The following RUFY1 variants were observed in gnomAD, a reference collection of about 807,000 sequenced individuals.
The protein encoded by RUFY1 is RUN and FYVE domain-containing protein 1.
RUFY1 carries 54 observed loss-of-function variants against 94.6 expected under a neutral mutation model. The observed-to-expected ratio is 0.57, with a 90% CI of 0.46 to 0.72. The LOEUF (loss-of-function observed/expected upper bound fraction) is 0.72, where lower values mean the gene tolerates loss of function less well. Among genes scored for constraint, RUFY1 ranks in the 30% least tolerant of loss-of-function variants. RUFY1 has a pLI of 0.00. For synonymous variants in RUFY1, 396 were observed against 347.3 expected (o/e 1.14, Z -1.56); for missense variants, 883 against 883.9 (o/e 1.00, Z 0.01).
At chr5:179,609,257 C>T (rs1336492723) in intron 17 of RUFY1, 119 bp from the exon 18 acceptor site, 3 of 998,892 alleles carry the variant, frequency 3.0e-6, no homozygotes, top group Admixed American at 2.4e-5. Context: ...CCTCACCACC[C>T]CACAGAAACA....
rs1290148369 is a variant in RUFY1, at chr5:179,595,071, G to A, written c.1511+108G>A. The stretch of plus-strand genomic sequence containing the variant: ...AAAGTGCAGGGGAGAGGCTGGGCGC[G>A]GTGGCTCACGCCTGTAATCCCAACA... On this transcript the variant is annotated intron_variant, in intron 12 of 17. Transcript: ENST00000319449. The A allele has an allele frequency of 1.3e-5, 10 of 760,440 alleles. No individual in the cohort carries two copies. In the East Asian group the frequency reaches 1.9e-4, roughly 15 times the overall value. 47.1% of individuals were successfully genotyped at this position (760,440 alleles called of 1,614,324 possible).
intron 11 of RUFY1, 43 bp downstream of exon 11, chr5:179,593,688 T>C: frequency 3.1e-6 from 5 of 1,596,394 alleles, no homozygotes; most frequent in Non-Finnish European, 4.3e-6. Context: ...TGGTTTCTGC[T>C]GCTCGCCAGT....
At chr5:179,604,493 C>G (rs1057292700) in intron 15 of RUFY1, among the ~76,000 whole-genome samples, 2 of 152,196 alleles carry the variant, frequency 1.3e-5, no homozygotes, top group Non-Finnish European at 2.9e-5. Context: ...TTTCCTGTTT[C>G]TGCAGCCGGA....
At chr5:179,605,499 AG>A (rs1430327465) in intron 15 of RUFY1, among the ~76,000 whole-genome samples, 3 of 152,182 alleles carry the variant, frequency 2.0e-5, no homozygotes, top group Non-Finnish European at 4.4e-5. Flanking sequence ...GCCGGGGAGA[AG>A]CCTGCAGACT....
chr5:179,569,178 G>A, intron 4 of RUFY1, 124 bp from the exon 5 acceptor site: 2 of 1,559,178 alleles, frequency 1.3e-6, no homozygotes, highest in Non-Finnish European at 1.7e-6. Context: ...GAAAGGGAGG[G>A]AGGAAATCCA....
At chr5:179,559,404 GA>G (rs1762270325) in intron 1 of RUFY1, among the ~76,000 whole-genome samples, 1 of 152,322 alleles carries the variant, frequency 6.6e-6, no homozygotes, top group African/African-American at 2.4e-5. Context: ...AGTAGCGGAC[GA>G]AAGATCGGCA....
intron 7 of RUFY1, among the ~76,000 whole-genome samples, chr5:179,583,659 G>A (rs1476552815): frequency 1.1e-4 from 16 of 151,208 alleles, no homozygotes; most frequent in Middle Eastern, 3.4e-3. Flanking sequence ...CACGTGATCC[G>A]CCCGCCTCGG....
At chr5:179,595,024 G>C in intron 12 of RUFY1, 61 bp downstream of exon 12, 1 of 1,207,560 alleles carries the variant, frequency 8.3e-7, no homozygotes, top group Non-Finnish European at 1.2e-6. Context: ...TGGGCCTGGA[G>C]ACTTATTCAG....
At position 179,562,560 on chromosome 5, in the gene RUFY1, T is replaced by C; in HGVS notation, c.498T>C (p.Phe166=). ...TTTTCCTTTTAGTTAAGAAGAGTTT[T>C]ATTGGCCAAAATAAATCATTCTTTG... ...LKHGLKVKKS[F]IGQNKSFFGP... Residue 166 remains phenylalanine (F), a synonymous_variant, in exon 3 of 18, where the codon TTT becomes TTC. Transcript: ENST00000319449. 6.2e-7 allele frequency: 1 copy of C among 1,606,904 alleles called. No individual in the cohort carries two copies. The highest frequency in any genetic ancestry group is 8.5e-7 in the Non-Finnish European group (1 of 1,173,846).
At chr5:179,560,244 G>A (rs1163483956) in intron 2 of RUFY1, 46 bp downstream of exon 2, 3 of 1,591,900 alleles carry the variant, frequency 1.9e-6, no homozygotes, top group Non-Finnish European at 2.6e-6. Context: ...CGGGCTGGGT[G>A]TTTGCTCAGC....
intron 10 of RUFY1, among the ~76,000 whole-genome samples, chr5:179,592,690 T>C (rs1765215575): frequency 6.6e-6 from 1 of 152,236 alleles, no homozygotes; most frequent in South Asian, 2.1e-4. Context: ...TTGTAAACAC[T>C]GTTCTTGTAC....
At chr5:179,595,738 T>C (rs1256785453) in intron 12 of RUFY1, among the ~76,000 whole-genome samples, 2 of 151,998 alleles carry the variant, frequency 1.3e-5, no homozygotes, top group African/African-American at 4.8e-5. Context: ...TTTGTAGAGA[T>C]GGGGTTTCTC....
At chr5:179,579,016 A>G (rs1393254785) in intron 6 of RUFY1, among the ~76,000 whole-genome samples, 2 of 152,236 alleles carry the variant, frequency 1.3e-5, no homozygotes, top group Non-Finnish European at 2.9e-5. Flanking sequence ...GAACATTTCT[A>G]GAGTGGCGTA....
intron 1 of RUFY1, among the ~76,000 whole-genome samples, chr5:179,557,744 T>C (rs1019319944): frequency 1.3e-5 from 2 of 152,044 alleles, no homozygotes; most frequent in Non-Finnish European, 1.5e-5. Context: ...GGGAGAAAAA[T>C]TTAATTTTCT....
At chr5:179,555,134 G>T (rs933981922) in intron 1 of RUFY1, among the ~76,000 whole-genome samples, 1 of 152,188 alleles carries the variant, frequency 6.6e-6, no homozygotes, top group Admixed American at 6.5e-5. Flanking sequence ...TTGCTTTTTA[G>T]AGTAATGCTT....
rs568591078 is a variant in RUFY1, at chr5:179,593,589, C to T, written c.1357C>T (p.Arg453Cys). ...HEKQDTLVALRQQLEEVKAIN... is the reference protein window; with the variant it reads ...HEKQDTLVALCQQLEEVKAIN... ...GAAGCAGGACACACTAGTTGCCCTCCGCCAGCAGCTGGAAGAAGTCAAAGC... is the reference window on the plus strand; with the variant it reads ...GAAGCAGGACACACTAGTTGCCCTCTGCCAGCAGCTGGAAGAAGTCAAAGC... The change falls in exon 11 of 18, where the codon CGC (arginine) becomes TGC (cysteine). Residue 453 changes from arginine to cysteine, a missense_variant. Transcript: ENST00000319449. 34 of 1,614,106 alleles carry T rather than the reference C, an allele frequency of 2.1e-5. No individual in the cohort carries two copies. The highest frequency in any genetic ancestry group is 1.6e-4 in the Middle Eastern group (1 of 6,062).
At chr5:179,552,164 C>CAAAAAAAAAAAA (rs563730431) in intron 1 of RUFY1, among the ~76,000 whole-genome samples, 4 of 73,450 alleles carry the variant, frequency 5.4e-5, no homozygotes, top group Admixed American at 2.0e-4. Flanking sequence ...GACTCTGTCT[C>CAAAAAAAAAAAA]AAAAAAAAAA....
intron 1 of RUFY1, among the ~76,000 whole-genome samples, chr5:179,551,116 C>T (rs931541938): frequency 6.6e-6 from 1 of 152,218 alleles, no homozygotes; most frequent in Non-Finnish European, 1.5e-5. Context: ...TCTATGCTCT[C>T]CCACTAACTA....
In RUFY1 at chr5:179,585,682, C is replaced by T. The variant is rs1004578662; in HGVS notation, c.957-114C>T. 8.1e-6 allele frequency: 6 copies of T among 742,142 alleles called. No individual in the cohort carries two copies. In the South Asian group the frequency reaches 9.9e-5, roughly 12 times the overall value. The allele number at this position is 742,142 out of a possible 1,614,324, so 46.0% of individuals were successfully genotyped here. A position where few individuals can be genotyped will look rare whatever the true frequency, so the allele number is the denominator to read the frequency against. Reference sequence around the variant, plus strand: ...ATCTTCTCTGAGTTAATTGGAGACCCTCTGCCTTTCCATTTCATACAGGAA... The same window carrying T: ...ATCTTCTCTGAGTTAATTGGAGACCTTCTGCCTTTCCATTTCATACAGGAA... On this transcript the variant is annotated intron_variant, in intron 7 of 17. Coordinates refer to ENST00000319449, the MANE Select transcript of RUFY1 (RefSeq NM_025158.5).
Sources: allele counts gnomAD v4.1 joint callset (sites outside exome capture counted in the v4.1 genomes callset), GRCh38; gene constraint gnomAD v4.1.1; transcripts MANE v1.5; gene names NCBI Gene and HGNC (gene_info 2026-07-23, HGNC 2026-07-21).